The following WNK1 variants were observed in gnomAD, a reference collection of about 807,000 sequenced individuals.
The protein encoded by WNK1 is serine/threonine-protein kinase WNK1.
A neutral mutation model predicts 222.8 loss-of-function variants in WNK1; 38 were observed. The ratio of observed to expected loss-of-function variants is 0.17; its 90% CI spans 0.13 to 0.22. The LOEUF (loss-of-function observed/expected upper bound fraction) is 0.22. Among genes scored for constraint, WNK1 ranks in the 10% least tolerant of loss-of-function variants. The pLI is 1.00. For synonymous variants in WNK1, 1,090 were observed against 1,092.9 expected, an observed-to-expected ratio of 1.00 and a Z score of 0.05; for missense variants, 2,348 against 2,918.4, an observed-to-expected ratio of 0.80 and a Z score of 4.50.
chr12:878,238 T>C lies in WNK1; in HGVS notation c.2250T>C (p.Pro750=). ...AGCAGGGAATACAGCAGACAGCCCC[T>C]CCTCAACAGACAGTGCAGTATTCAC... ...QQQQGIQQTA[P]PQQTVQYSLS... is the part of the protein sequence containing the mutation. Residue 750 remains proline (P), a synonymous_variant, in exon 10 of 28, where the codon CCT becomes CCC. Coordinates refer to ENST00000315939, the MANE Select transcript of WNK1 (RefSeq NM_018979.4). The C allele has an allele frequency of 6.2e-7, 1 of 1,614,114 alleles. No homozygotes were observed. Among genetic ancestry groups the C allele is most frequent in the Non-Finnish European group, 8.5e-7 (1 of 1,180,000 alleles).
rs1160182066 is a variant in WNK1, at chr12:836,444, T to C, written c.1311+6284T>C. ...ACATATAACTAGATTGACTCTGAAA[T>C]GTCTTCTATCTCAATAGATTCTTGA... On this transcript the variant is annotated intron_variant, in intron 4 of 27. Transcript: ENST00000315939. 2.0e-5 allele frequency among the ~76,000 whole-genome samples: 3 copies of C among 152,228 alleles called. No individual in the cohort carries two copies. The East Asian group carries it at 5.8e-4, about 29-fold the overall frequency.
At chr12:838,077 C>CTGTGTG (rs766129025) in intron 4 of WNK1, among the ~76,000 whole-genome samples, 2 of 70,044 alleles carry the variant, frequency 2.9e-5, no homozygotes, top group African/African-American at 1.1e-4. Context: ...AGTAATATTC[C>CTGTGTG]AGTGTGTGTG....
chr12:805,876 A>G (rs947517376), intron 1 of WNK1, among the ~76,000 whole-genome samples: 2 of 152,158 alleles, frequency 1.3e-5, no homozygotes, highest in Non-Finnish European at 2.9e-5. Flanking sequence ...ATTTTTAATT[A>G]ATTGTCTAAG....
intron 1 of WNK1, among the ~76,000 whole-genome samples, chr12:790,563 G>A (rs1376832413): frequency 6.6e-6 from 1 of 152,142 alleles, no homozygotes; most frequent in African/African-American, 2.4e-5. Flanking sequence ...CAAGGAATCT[G>A]TCTTGACCTG....
chr12:755,938 G>C lies in WNK1; in HGVS notation c.759+1614G>C, dbSNP rs575179892. Among the ~76,000 whole-genome samples the C allele has an allele frequency of 2.6e-5, 4 of 152,354 alleles. No individual in the cohort carries two copies. In the South Asian group the frequency reaches 8.3e-4, roughly 32 times the overall value. Reference sequence around the variant, plus strand: ...TGCAGTGAGCGGAGATCGCACCATCGCACTGCAGCGTGGTGACAGAGCGAG... The same window carrying C: ...TGCAGTGAGCGGAGATCGCACCATCCCACTGCAGCGTGGTGACAGAGCGAG... On this transcript the variant is annotated intron_variant, in intron 1 of 27. Transcript: ENST00000315939.
At chr12:795,044 G>T (rs1945176102) in intron 1 of WNK1, among the ~76,000 whole-genome samples, 1 of 152,136 alleles carries the variant, frequency 6.6e-6, no homozygotes, top group Non-Finnish European at 1.5e-5. Context: ...GAGCTACCAT[G>T]CCTGGCCAAG....
chr12:911,358 C>T lies in WNK1; in HGVS notation c.*2566C>T, dbSNP rs1056099792. On this transcript the variant is annotated 3_prime_UTR_variant, in exon 28 of 28. Transcript: ENST00000315939. ...CATTTTGCACTAACTCTGGGTGTTGCGCTTCTTGTAAGATTGCGCTTTGTG... is the reference window on the plus strand; with the variant it reads ...CATTTTGCACTAACTCTGGGTGTTGTGCTTCTTGTAAGATTGCGCTTTGTG... The T allele has an allele frequency of 7.5e-6, 3 of 398,550 alleles. No homozygotes were observed. The highest frequency in any genetic ancestry group is 1.3e-5 in the Non-Finnish European group (3 of 226,058). 24.7% of individuals were successfully genotyped at this position (398,550 alleles called of 1,614,324 possible). A position where few individuals can be genotyped will look rare whatever the true frequency, so the allele number is the denominator to read the frequency against.
chr12:761,916 C>T (rs1040742282), intron 1 of WNK1, among the ~76,000 whole-genome samples: 5 of 146,924 alleles, frequency 3.4e-5, no homozygotes, highest in Admixed American at 1.4e-4. Context: ...CACAGTCATC[C>T]GTCAGTATAC....
rs1446293135 is a variant in WNK1 at position 869,117 on chromosome 12, CT to C, written c.2140-2146del. ...ACTTCATCCACAGGTTATAGGAAAACTTCCACAATTATTTTAAACTACCCTA... is the reference window on the plus strand; with the variant it reads ...ACTTCATCCACAGGTTATAGGAAAACTCCACAATTATTTTAAACTACCCTA... On this transcript the variant is annotated intron_variant, in intron 8 of 27. Transcript: ENST00000315939. 4 of 1,613,938 alleles carry C rather than the reference CT, an allele frequency of 2.5e-6. No homozygotes were observed. In the South Asian group the frequency reaches 4.4e-5, roughly 18 times the overall value.
chr12:841,059 T>G (rs1949591592), intron 4 of WNK1, among the ~76,000 whole-genome samples: 2 of 152,238 alleles, frequency 1.3e-5, no homozygotes, highest in South Asian at 4.1e-4. Flanking sequence ...TTAACCTGTT[T>G]TCAGTTGTTC....
chr12:848,336 A>G (rs1484221379), intron 4 of WNK1, among the ~76,000 whole-genome samples: 1 of 152,140 alleles, frequency 6.6e-6, no homozygotes, highest in Non-Finnish European at 1.5e-5. Context: ...AGCTAGCCAC[A>G]ATGTAAAACA....
chr12:785,516 G>C (rs891286896), intron 1 of WNK1, among the ~76,000 whole-genome samples: 29 of 146,366 alleles, frequency 2.0e-4, no homozygotes, highest in African/African-American at 7.4e-4. Context: ...TTCTGCCTCA[G>C]CCTCCCGAGT....
At chr12:778,838 G>T (rs1943397949) in intron 1 of WNK1, among the ~76,000 whole-genome samples, 1 of 152,072 alleles carries the variant, frequency 6.6e-6, no homozygotes, top group Admixed American at 6.6e-5. Context: ...TCTCTCTCGT[G>T]CTGTTTCTGG....
chr12:819,045 C>T (rs181917904), intron 2 of WNK1, among the ~76,000 whole-genome samples: 242 of 152,212 alleles, frequency 1.6e-3, no homozygotes, highest in Non-Finnish European at 1.7e-3. Flanking sequence ...GGCATCCTAC[C>T]GGGAGTGACA....
rs1592281867 is a variant in WNK1, at chr12:908,606, C to T, written c.6963C>T (p.Cys2321=). 6.2e-7 allele frequency: 1 copy of T among 1,614,138 alleles called. No homozygotes were observed. The highest frequency in any genetic ancestry group is 8.5e-7 in the Non-Finnish European group (1 of 1,180,028). The change falls in exon 28 of 28, where the codon TGC becomes TGT. Residue 2321 remains cysteine (C), a synonymous_variant. Transcript: ENST00000315939. ...TAGGTCACTTCACCAAGTCTATGTGCCCCCCACAGCAGTATGGCTTTCCAG... is the reference window on the plus strand; with the variant it reads ...TAGGTCACTTCACCAAGTCTATGTGTCCCCCACAGCAGTATGGCTTTCCAG... The part of the protein sequence containing the change: ...TSLGHFTKSM[C]PPQQYGFPAT...
At chr12:771,187 T>TG (rs1423037839) in intron 1 of WNK1, among the ~76,000 whole-genome samples, 1 of 151,202 alleles carries the variant, frequency 6.6e-6, no homozygotes, top group African/African-American at 2.4e-5. Flanking sequence ...TTAGTAGAGA[T>TG]GGGGTTTCAC....
At chr12:907,363 G>C (rs989490306) in intron 26 of WNK1, among the ~76,000 whole-genome samples, 1 of 150,748 alleles carries the variant, frequency 6.6e-6, no homozygotes, top group Non-Finnish European at 1.5e-5. Context: ...GTGTCCAATG[G>C]TTTGGAAACC....
chr12:853,063 C>T (rs1276648495), intron 4 of WNK1, among the ~76,000 whole-genome samples: 1 of 152,106 alleles, frequency 6.6e-6, no homozygotes, highest in Non-Finnish European at 1.5e-5. Context: ...CAGTCTTAAT[C>T]TTTTAATACC....
chr12:863,218 C>G (rs1951352533), intron 8 of WNK1, among the ~76,000 whole-genome samples: 1 of 152,086 alleles, frequency 6.6e-6, no homozygotes. Flanking sequence ...AAATGAAAAT[C>G]TTTCTCTGTT....
Sources: gnomAD v4.1 joint callset for allele counts (sites outside exome capture counted in the v4.1 genomes callset) on GRCh38, gnomAD v4.1.1 for gene constraint, MANE v1.5 for transcripts, NCBI Gene and HGNC (gene_info 2026-07-23, HGNC 2026-07-21) for gene names.